Variants in GPC5 observed in about 807,000 individuals in gnomAD.
The protein encoded by GPC5 is glypican 5.
GPC5 carries 47 observed loss-of-function variants against 53.9 expected under a neutral mutation model. The ratio of observed to expected loss-of-function variants is 0.87; its 90% CI spans 0.69 to 1.11. The LOEUF (loss-of-function observed/expected upper bound fraction) is 1.11. Ranked by LOEUF, GPC5 falls within the 50% of genes most tolerant of loss-of-function variation. The probability of loss-of-function intolerance (pLI) is 0.00; values close to 1 mark genes in which losing one functional copy is unlikely to be tolerated. For missense variants in GPC5, 748 were observed against 713.1 expected, an observed-to-expected ratio of 1.05 and a Z score of -0.56; for synonymous variants, 286 against 263.3, an observed-to-expected ratio of 1.09 and a Z score of -0.84.
chr13:91,983,217 G>A (rs910600180), intron 6 of GPC5, among the ~76,000 whole-genome samples: 2 of 152,186 alleles, frequency 1.3e-5, no homozygotes, highest in African/African-American at 4.8e-5. Context: ...GTACTGGCGG[G>A]CGCCTGTAGT....
intron 6 of GPC5, among the ~76,000 whole-genome samples, chr13:91,952,116 A>T (rs938313503): frequency 6.6e-6 from 1 of 152,076 alleles, no homozygotes; most frequent in African/African-American, 2.4e-5. Context: ...ATGTTCTGCT[A>T]GGTATTATGA....
intron 2 of GPC5, among the ~76,000 whole-genome samples, chr13:91,572,035 G>GTGTATATACACACATGTATATATACA (rs2031887911): frequency 7.2e-5 from 8 of 110,676 alleles, no homozygotes; most frequent in Admixed American, 4.3e-4. Context: ...GTGTATATAT[G>GTGTATATACACACATGTATATATACA]TGTATATACA....
intron 6 of GPC5, among the ~76,000 whole-genome samples, chr13:92,041,153 T>G (rs998498055): frequency 6.6e-6 from 1 of 152,304 alleles, no homozygotes; most frequent in Non-Finnish European, 1.5e-5. Flanking sequence ...CACCCGACTT[T>G]AACTCTTATT....
chr13:92,213,289 C>T (rs944165503), intron 7 of GPC5, among the ~76,000 whole-genome samples: 3 of 152,212 alleles, frequency 2.0e-5, no homozygotes, highest in South Asian at 2.1e-4. Flanking sequence ...TCCATCCTCC[C>T]GGAGCTTACA....
At chr13:92,848,386 A>G (rs1200950491) in intron 7 of GPC5, among the ~76,000 whole-genome samples, 1 of 152,124 alleles carries the variant, frequency 6.6e-6, no homozygotes, top group Non-Finnish European at 1.5e-5. Flanking sequence ...TGTAGCTCTA[A>G]TTTAATAAAT....
chr13:91,558,796 G>T (rs2031097325), intron 2 of GPC5, among the ~76,000 whole-genome samples: 1 of 152,044 alleles, frequency 6.6e-6, no homozygotes, highest in Non-Finnish European at 1.5e-5. Flanking sequence ...ATCCATGAAG[G>T]TCATGGCTGC....
At chr13:92,592,792 A>G (rs1883755002) in intron 7 of GPC5, among the ~76,000 whole-genome samples, 1 of 151,266 alleles carries the variant, frequency 6.6e-6, no homozygotes, top group Non-Finnish European at 1.5e-5. Flanking sequence ...GTATGGCTCA[A>G]TGGAGGGAGA....
intron 6 of GPC5, among the ~76,000 whole-genome samples, chr13:92,137,543 T>G (rs562777110): frequency 6.6e-6 from 1 of 152,368 alleles, no homozygotes; most frequent in East Asian, 1.9e-4. Flanking sequence ...ATACTCATAA[T>G]GTGCTAGCAT....
intron 4 of GPC5, among the ~76,000 whole-genome samples, chr13:91,753,987 G>A (rs2037234883): frequency 6.6e-6 from 1 of 152,094 alleles, no homozygotes; most frequent in Admixed American, 6.6e-5. Flanking sequence ...GTACTCAGTA[G>A]CATTTATTAC....
intron 7 of GPC5, among the ~76,000 whole-genome samples, chr13:92,221,679 T>C (rs755193266): frequency 9.9e-5 from 15 of 152,088 alleles, no homozygotes; most frequent in Admixed American, 9.8e-4. Flanking sequence ...CTGCTTATTC[T>C]TCTTGCGCAA....
rs921072149 is a variant in GPC5 at position 92,361,715 on chromosome 13, GAAGA to G, written c.1561+216731_1561+216734del. ...TTTTAGGAGTGGAAAGACTGCCTGA[GAAGA>G]AAGAGGGTGCTGATAATTTATCAAT... On this transcript the variant is annotated intron_variant, in intron 7 of 7. Transcript: ENST00000377067. Among the ~76,000 whole-genome samples the G allele has an allele frequency of 4.6e-5, 7 of 151,660 alleles. 1 individual carries two copies. Among genetic ancestry groups the G allele is most frequent in the African/African-American group, 1.5e-4 (6 of 40,942 alleles).
intron 7 of GPC5, among the ~76,000 whole-genome samples, chr13:92,614,935 G>A (rs1884632437): frequency 6.6e-6 from 1 of 152,168 alleles, no homozygotes; most frequent in South Asian, 2.1e-4. Flanking sequence ...GAAACATATT[G>A]ATGTAAGCAG....
chr13:92,767,078 T>C (rs1875430702), intron 7 of GPC5, among the ~76,000 whole-genome samples: 1 of 152,204 alleles, frequency 6.6e-6, no homozygotes, highest in Non-Finnish European at 1.5e-5. Context: ...TCAAGGTCCT[T>C]GGAATGAGAC....
At chr13:91,968,796 TA>T (rs2040214008) in intron 6 of GPC5, among the ~76,000 whole-genome samples, 1 of 152,072 alleles carries the variant, frequency 6.6e-6, no homozygotes. Flanking sequence ...GACAGTGCCA[TA>T]CCACTGTGCT....
intron 7 of GPC5, among the ~76,000 whole-genome samples, chr13:92,832,661 A>G (rs1878086338): frequency 6.6e-6 from 1 of 151,748 alleles, no homozygotes; most frequent in Admixed American, 6.6e-5. Flanking sequence ...CTCCTCATTT[A>G]CTCCAACCCA....
intron 7 of GPC5, among the ~76,000 whole-genome samples, chr13:92,527,122 AAG>A (rs1273388755): frequency 1.0e-5 from 1 of 98,116 alleles, no homozygotes; most frequent in African/African-American, 4.0e-5. Context: ...GAAAGAAAGA[AAG>A]AAAGAAAGAA....
At chr13:92,156,702 T>C (rs1310933174) in intron 7 of GPC5, among the ~76,000 whole-genome samples, 2 of 152,166 alleles carry the variant, frequency 1.3e-5, no homozygotes, top group African/African-American at 2.4e-5. Flanking sequence ...AAAGCTATGT[T>C]GCAACCACCA....
At chr13:92,047,659 T>C (rs2040993595) in intron 6 of GPC5, among the ~76,000 whole-genome samples, 1 of 151,270 alleles carries the variant, frequency 6.6e-6, no homozygotes, top group South Asian at 2.1e-4. Context: ...AACTAGTAAG[T>C]TTAGTTTCTA....
intron 5 of GPC5, among the ~76,000 whole-genome samples, chr13:91,890,345 A>C (rs1328285024): frequency 1.3e-5 from 2 of 152,120 alleles, no homozygotes; most frequent in Non-Finnish European, 2.9e-5. Flanking sequence ...TAATCCTGAA[A>C]AATTTCACAT....
Sources: gnomAD v4.1 joint callset for allele counts (sites outside exome capture counted in the v4.1 genomes callset) on GRCh38, gnomAD v4.1.1 for gene constraint, MANE v1.5 for transcripts, NCBI Gene and HGNC (gene_info 2026-07-23, HGNC 2026-07-21) for gene names.